AKAP6: variants seen among roughly 807,000 people sequenced by gnomAD.
The protein encoded by AKAP6 is A-kinase anchor protein 6.
AKAP6 carries 58 observed loss-of-function variants against 188.5 expected under a neutral mutation model. The observed-to-expected ratio is 0.31, with a 90% CI of 0.25 to 0.38. The LOEUF is 0.38. Ranked by LOEUF, AKAP6 falls within the 10% of genes least tolerant of loss-of-function variation. The probability of loss-of-function intolerance (pLI) is 1.00; values close to 1 mark genes in which losing one functional copy is unlikely to be tolerated. For missense variants in AKAP6, 2,710 were observed against 2,740.0 expected, an observed-to-expected ratio of 0.99 and a Z score of 0.24; for synonymous variants, 989 against 998.6, an observed-to-expected ratio of 0.99 and a Z score of 0.18.
At chr14:32,652,829 G>A (rs956440791) in intron 7 of AKAP6, among the ~76,000 whole-genome samples, 8 of 152,244 alleles carry the variant, frequency 5.3e-5, no homozygotes, top group South Asian at 2.1e-4. Context: ...AAGGTGGGAG[G>A]AATACTTGAA....
At chr14:32,471,741 T>G (rs1447297451) in intron 2 of AKAP6, among the ~76,000 whole-genome samples, 2 of 152,204 alleles carry the variant, frequency 1.3e-5, no homozygotes, top group Non-Finnish European at 2.9e-5. Context: ...TATAAACTGT[T>G]TTTATTATCT....
chr14:32,772,504 A>G (rs1333165956), intron 11 of AKAP6, among the ~76,000 whole-genome samples: 2 of 152,212 alleles, frequency 1.3e-5, no homozygotes, highest in Non-Finnish European at 2.9e-5. Context: ...AAATAATAGA[A>G]TTCCAGCCAT....
At chr14:32,607,751 G>T (rs1409491397) in intron 7 of AKAP6, among the ~76,000 whole-genome samples, 1 of 152,156 alleles carries the variant, frequency 6.6e-6, no homozygotes, top group Non-Finnish European at 1.5e-5. Context: ...CAAATGAGTA[G>T]TAAATACATT....
chr14:32,445,376 C>T (rs546692072), intron 2 of AKAP6, among the ~76,000 whole-genome samples: 162 of 151,806 alleles, frequency 1.1e-3, no homozygotes, highest in Admixed American at 1.9e-3. Context: ...GTTTCCGGTT[C>T]TTTTCTCTTT....
At chr14:32,572,515 G>A (rs377650020) in intron 4 of AKAP6, among the ~76,000 whole-genome samples, 26 of 152,328 alleles carry the variant, frequency 1.7e-4, no homozygotes, top group East Asian at 1.5e-3. Context: ...AGCCTTGCCA[G>A]AGGGCAAAGG....
intron 11 of AKAP6, among the ~76,000 whole-genome samples, chr14:32,771,846 A>G (rs114964972): frequency 3.3e-5 from 5 of 152,346 alleles, no homozygotes; most frequent in African/African-American, 1.2e-4. Flanking sequence ...ACGCTTAACA[A>G]GTTAACAAAA....
chr14:32,776,009 A>G (rs1226786660), intron 12 of AKAP6, among the ~76,000 whole-genome samples: 1 of 152,144 alleles, frequency 6.6e-6, no homozygotes, highest in Non-Finnish European at 1.5e-5. Context: ...TCAGTGGGAG[A>G]TATTTCTCTG....
chr14:32,382,646 A>C (rs1888402744), intron 1 of AKAP6, among the ~76,000 whole-genome samples: 1 of 152,136 alleles, frequency 6.6e-6, no homozygotes, highest in Non-Finnish European at 1.5e-5. Context: ...AGAATGAAAA[A>C]TTGGCAGGAT....
At chr14:32,815,463 T>C (rs1427001207) in intron 12 of AKAP6, among the ~76,000 whole-genome samples, 1 of 152,204 alleles carries the variant, frequency 6.6e-6, no homozygotes, top group Non-Finnish European at 1.5e-5. Flanking sequence ...TTTCAGGAAA[T>C]AGAAAGTTCT....
At chr14:32,340,744 C>G (rs1886863614) in intron 1 of AKAP6, among the ~76,000 whole-genome samples, 1 of 152,212 alleles carries the variant, frequency 6.6e-6, no homozygotes, top group Non-Finnish European at 1.5e-5. Context: ...GTTCCGGAAG[C>G]TGGGAAGTCC....
At chr14:32,471,596 A>G (rs1878784282) in intron 2 of AKAP6, among the ~76,000 whole-genome samples, 1 of 152,152 alleles carries the variant, frequency 6.6e-6, no homozygotes, top group African/African-American at 2.4e-5. Context: ...ACATTTACTC[A>G]ATTTTCATTG....
chr14:32,447,902 A>C (rs550644470), intron 2 of AKAP6, among the ~76,000 whole-genome samples: 94 of 152,226 alleles, frequency 6.2e-4, no homozygotes, highest in Non-Finnish European at 1.0e-3. Flanking sequence ...CGACATATTT[A>C]AATCAGTTAC....
At chr14:32,513,445 A>G (rs895684154) in intron 2 of AKAP6, among the ~76,000 whole-genome samples, 1 of 152,218 alleles carries the variant, frequency 6.6e-6, no homozygotes, top group Non-Finnish European at 1.5e-5. Context: ...TTACCTGGCC[A>G]CCTGACATAG....
intron 2 of AKAP6, among the ~76,000 whole-genome samples, chr14:32,455,589 A>C (rs1891122843): frequency 1.3e-5 from 2 of 152,224 alleles, no homozygotes; most frequent in Non-Finnish European, 2.9e-5. Flanking sequence ...CATCAAGCAT[A>C]ATTTACTCAA....
chr14:32,480,050 A>G (rs1879259972), intron 2 of AKAP6, among the ~76,000 whole-genome samples: 1 of 152,156 alleles, frequency 6.6e-6, no homozygotes, highest in African/African-American at 2.4e-5. Flanking sequence ...TGAGAGGAGA[A>G]AACAGTATCT....
rs150805632 is a variant in AKAP6 at position 32,693,544 on chromosome 14, G to A, written c.2880-2446G>A. ...GGACAATATATGAGGCAATTTCCTCGCAGAGTTCTGACCTGGAAATGAAGT... is the reference window on the plus strand; with the variant it reads ...GGACAATATATGAGGCAATTTCCTCACAGAGTTCTGACCTGGAAATGAAGT... On this transcript the variant is annotated intron_variant, in intron 8 of 13. Transcript: ENST00000280979. 6.1e-3 allele frequency: 932 copies of A among 152,296 alleles called. 4 individuals carry two copies. Among genetic ancestry groups the A allele is most frequent in the South Asian group, 0.012 (60 of 4,824 alleles). 9.4% of individuals were successfully genotyped at this position (152,296 alleles called of 1,614,324 possible).
intron 1 of AKAP6, among the ~76,000 whole-genome samples, chr14:32,413,615 A>C (rs771755004): frequency 6.6e-6 from 1 of 152,126 alleles, no homozygotes; most frequent in African/African-American, 2.4e-5. Context: ...GTGCCCTGCC[A>C]TTGTGATTTC....
chr14:32,629,677 AT>A (rs5807670), intron 7 of AKAP6, among the ~76,000 whole-genome samples: 59,972 of 141,088 alleles, frequency 0.43, 14,363 homozygotes, highest in East Asian at 0.83. Context: ...GCATATAAGC[AT>A]TTTTTTTTTT....
intron 12 of AKAP6, among the ~76,000 whole-genome samples, chr14:32,783,712 T>G (rs2033320085): frequency 6.6e-6 from 1 of 152,126 alleles, no homozygotes; most frequent in African/African-American, 2.4e-5. Context: ...ATAATTTACG[T>G]GCCATTATCC....
Sources: gnomAD v4.1 joint callset for allele counts (sites outside exome capture counted in the v4.1 genomes callset) on GRCh38, gnomAD v4.1.1 for gene constraint, MANE v1.5 for transcripts, NCBI Gene and HGNC (gene_info 2026-07-23, HGNC 2026-07-21) for gene names.